Variants in NBPF11 observed in about 807,000 individuals in gnomAD.
NBPF11 encodes the protein NBPF member 11.
NBPF11 carries 72 observed loss-of-function variants against 93.9 expected under a neutral mutation model. The ratio of observed to expected loss-of-function variants is 0.77; its 90% CI spans 0.63 to 0.93. The LOEUF (loss-of-function observed/expected upper bound fraction) is 0.93, where lower values mean the gene tolerates loss of function less well. Ranked by LOEUF, NBPF11 falls within the 40% of genes least tolerant of loss-of-function variation. The pLI, the probability that NBPF11 is intolerant of heterozygous loss-of-function variation, is 0.00. For missense variants in NBPF11, 705 were observed against 802.2 expected (o/e 0.88, Z 1.46); for synonymous variants, 224 against 304.9 (o/e 0.73, Z 2.76).
At chr1:148,112,240 T>C (rs1571421552) in intron 15 of NBPF11, among the ~76,000 whole-genome samples, 1 of 147,096 alleles carries the variant, frequency 6.8e-6, no homozygotes, top group South Asian at 2.2e-4. Flanking sequence ...TCCACATTGG[T>C]GTGCTTCACC....
intron 2 of NBPF11, among the ~76,000 whole-genome samples, chr1:148,143,021 G>C (rs1269210085): frequency 1.7e-4 from 26 of 152,210 alleles, no homozygotes; most frequent in Middle Eastern, 3.4e-3. Flanking sequence ...GGGTGGACAG[G>C]GAGGGGGTGA....
intron 13 of NBPF11, among the ~76,000 whole-genome samples, 187 bp from the exon 14 acceptor site, chr1:148,116,185 CAG>C (rs1666490693): frequency 6.6e-6 from 1 of 151,840 alleles, no homozygotes; most frequent in South Asian, 2.1e-4. Flanking sequence ...CCATGGGAAC[CAG>C]AGAGGAAGAG....
At chr1:148,128,815 ATAT>A (rs1220826543) in intron 4 of NBPF11, among the ~76,000 whole-genome samples, 1 of 151,260 alleles carries the variant, frequency 6.6e-6, no homozygotes, top group Non-Finnish European at 1.5e-5. Context: ...AAAACAACAA[ATAT>A]TATTTCACTC....
At chr1:148,150,695 A>C (rs1159377398) in intron 1 of NBPF11, among the ~76,000 whole-genome samples, 17 of 151,554 alleles carry the variant, frequency 1.1e-4, no homozygotes, top group African/African-American at 4.1e-4. Flanking sequence ...ACAACACTGT[A>C]ACTCAAAGAA....
At position 148,118,682 on chromosome 1, in the gene NBPF11, C is replaced by T. The variant is rs1667142377; in HGVS notation, c.1029G>A (p.Arg343=). Reference sequence around the variant, plus strand: ...TCTCCTCCTTGAACTGTCGCTCATTCCTCAGCATAGATTTTATGAGGTCTT... The same window carrying T: ...TCTCCTCCTTGAACTGTCGCTCATTTCTCAGCATAGATTTTATGAGGTCTT... ...ECKDLIKSML[R]NERQFKEEKL... Residue 343 remains arginine (R), a synonymous_variant, in exon 11 of 24, where the codon AGG becomes AGA. Transcript: ENST00000682118. The T allele has an allele frequency of 3.7e-6, 6 of 1,613,144 alleles. No homozygotes were observed. Among genetic ancestry groups the T allele is most frequent in the African/African-American group, 1.3e-5 (1 of 74,766 alleles).
chr1:148,149,265 A>C, intron 1 of NBPF11: 2 of 1,595,622 alleles, frequency 1.3e-6, no homozygotes, highest in Non-Finnish European at 1.7e-6. Flanking sequence ...GTGGTGCTGC[A>C]CTCGCCGCTC....
At position 148,107,105 on chromosome 1, in the gene NBPF11, C is replaced by T. The variant is rs1663848428; in HGVS notation, c.2088G>A (p.Arg696=). 1 of 591,082 alleles carries T rather than the reference C, an allele frequency of 1.7e-6. No individual in the cohort carries two copies. The highest frequency in any genetic ancestry group is 3.0e-6 in the Non-Finnish European group (1 of 337,984). The allele number at this position is 591,082 out of a possible 1,614,324, so 36.6% of individuals were successfully genotyped here. A position where few individuals can be genotyped will look rare whatever the true frequency, so the allele number is the denominator to read the frequency against. ...CAGGCTCTTTCTCAGCCAGCAGCTC[C>T]CTGCTGAGCCTGGAAAAGTAGGAAA... ...DQDPSCPRLS[R]ELLAEKEPEV... The change falls in exon 20 of 24, where the codon AGG becomes AGA. Residue 696 remains arginine, a synonymous_variant. Coordinates refer to ENST00000682118, the MANE Select transcript of NBPF11 (RefSeq NM_001385469.3).
chr1:148,149,220 C>A, intron 1 of NBPF11: 2 of 1,548,962 alleles, frequency 1.3e-6, no homozygotes, highest in Non-Finnish European at 8.7e-7. Context: ...ACGGTGCCCA[C>A]CATGGACCTG....
At chr1:148,115,662 C>G in intron 14 of NBPF11, 131 bp downstream of exon 14, 2 of 1,303,682 alleles carry the variant, frequency 1.5e-6, no homozygotes, top group East Asian at 2.4e-5. Context: ...GACAAAAAAA[C>G]TCCCTGATAT....
intron 1 of NBPF11, among the ~76,000 whole-genome samples, chr1:148,145,298 G>A (rs1394555032): frequency 7.6e-5 from 10 of 131,362 alleles, no homozygotes; most frequent in African/African-American, 1.8e-4. Context: ...TGCAACCTCC[G>A]CCTCCTGGGT....
At chr1:148,111,536 G>A (rs1278766467) in intron 15 of NBPF11, among the ~76,000 whole-genome samples, 2 of 151,622 alleles carry the variant, frequency 1.3e-5, no homozygotes, top group Non-Finnish European at 2.9e-5. Flanking sequence ...TAACCAGAAT[G>A]AACAGTGTAG....
intron 4 of NBPF11, among the ~76,000 whole-genome samples, chr1:148,133,888 A>C (rs1285304112): frequency 1.3e-5 from 2 of 150,788 alleles, no homozygotes; most frequent in Non-Finnish European, 2.9e-5. Flanking sequence ...ACATAAGTTG[A>C]CTTCTTAGTA....
chr1:148,127,815 CT>C (rs1183487358), intron 4 of NBPF11, among the ~76,000 whole-genome samples: 1,515 of 135,314 alleles, frequency 0.011, 6 homozygotes, highest in African/African-American at 0.038. Context: ...GCTAATTTTT[CT>C]TTTTTTTTTT....
chr1:148,119,538 C>G (rs1667338441), intron 10 of NBPF11, among the ~76,000 whole-genome samples: 2 of 151,878 alleles, frequency 1.3e-5, no homozygotes. Flanking sequence ...CACTGCACTG[C>G]TACCTCCACA....
chr1:148,103,943 C>T, intron 23 of NBPF11, 31 bp from the exon 24 acceptor site: 1 of 1,610,280 alleles, frequency 6.2e-7, no homozygotes, highest in South Asian at 1.1e-5. Context: ...AAAGAAGCAG[C>T]CAGGGAAAAT....
intron 4 of NBPF11, chr1:148,135,314 C>T: frequency 5.3e-6 from 1 of 188,276 alleles, no homozygotes; most frequent in Non-Finnish European, 1.0e-5. Flanking sequence ...AATTCTATGA[C>T]CATCTGTTTC....
At chr1:148,111,385 G>A (rs1665226452) in intron 15 of NBPF11, among the ~76,000 whole-genome samples, 3 of 152,184 alleles carry the variant, frequency 2.0e-5, no homozygotes, top group African/African-American at 7.2e-5. Context: ...ATGGAACAAA[G>A]CAGGATAGAG....
chr1:148,128,877 G>A (rs1168854374), intron 4 of NBPF11, among the ~76,000 whole-genome samples: 1 of 147,990 alleles, frequency 6.8e-6, no homozygotes, highest in South Asian at 2.1e-4. Context: ...AAGGGCATTG[G>A]TGTCTTTGTT....
intron 1 of NBPF11, among the ~76,000 whole-genome samples, chr1:148,147,811 C>A (rs1314677366): frequency 6.6e-6 from 1 of 152,030 alleles, no homozygotes; most frequent in African/African-American, 2.4e-5. Context: ...CACCAATCAC[C>A]ACTTCATGCG....
Sources: allele counts gnomAD v4.1 joint callset (sites outside exome capture counted in the v4.1 genomes callset), GRCh38; gene constraint gnomAD v4.1.1; transcripts MANE v1.5; gene names NCBI Gene and HGNC (gene_info 2026-07-23, HGNC 2026-07-21).